PAIP1: variants seen among roughly 807,000 people sequenced by gnomAD.
The protein encoded by PAIP1 is polyadenylate-binding protein-interacting protein 1.
A neutral mutation model predicts 61.3 loss-of-function variants in PAIP1; 16 were observed. That is an observed-to-expected ratio of 0.26 (90% confidence interval 0.18 to 0.40). The LOEUF (loss-of-function observed/expected upper bound fraction) is 0.40, where lower values mean the gene tolerates loss of function less well. PAIP1 is among the 10% of genes least tolerant of loss of function. The pLI is 1.00. For synonymous variants in PAIP1, 187 were observed against 226.2 expected (o/e 0.83, Z 1.56); for missense variants, 416 against 600.9 (o/e 0.69, Z 3.22).
At chr5:43,537,307 T>C (rs1579912229) in intron 5 of PAIP1, among the ~76,000 whole-genome samples, 1 of 152,214 alleles carries the variant, frequency 6.6e-6, no homozygotes, top group Non-Finnish European at 1.5e-5. Flanking sequence ...CAGAGTGGTA[T>C]ATGTATCTTA....
chr5:43,528,638 C>T (rs1315052126), intron 10 of PAIP1, among the ~76,000 whole-genome samples: 1 of 151,790 alleles, frequency 6.6e-6, no homozygotes, highest in Non-Finnish European at 1.5e-5. Context: ...TATAGAAGTA[C>T]AGCAACAATT....
At chr5:43,544,146 TAAAAAAAAAAAAAA>T (rs568177939) in intron 3 of PAIP1, among the ~76,000 whole-genome samples, 2 of 72,686 alleles carry the variant, frequency 2.8e-5, no homozygotes, top group African/African-American at 4.8e-5. Context: ...CCCATCTTTT[TAAAAAAAAAAAAAA>T]AAAAAAAAAA....
chr5:43,552,096 G>A (rs972195941), intron 2 of PAIP1, among the ~76,000 whole-genome samples: 8 of 152,046 alleles, frequency 5.3e-5, no homozygotes, highest in Non-Finnish European at 7.4e-5. Context: ...TTCATGGTAG[G>A]TACTCTATAT....
chr5:43,546,860 C>T (rs866618995), intron 3 of PAIP1, among the ~76,000 whole-genome samples: 8 of 151,772 alleles, frequency 5.3e-5, no homozygotes, highest in Non-Finnish European at 8.8e-5. Flanking sequence ...CCGGTCAACA[C>T]GGTGGAACCC....
At chr5:43,547,970 A>G (rs1747712474) in intron 2 of PAIP1, 57 bp from the exon 3 acceptor site, 1 of 1,085,194 alleles carries the variant, frequency 9.2e-7, no homozygotes, top group South Asian at 1.4e-5. Flanking sequence ...AAAACACACA[A>G]GGTGGTATGT....
chr5:43,540,635 TC>T (rs1747361444), intron 4 of PAIP1, among the ~76,000 whole-genome samples: 2 of 152,274 alleles, frequency 1.3e-5, no homozygotes, highest in African/African-American at 2.4e-5. Flanking sequence ...TCCATCTTTT[TC>T]AAAGTATGTA....
At chr5:43,539,993 G>A (rs1220117544) in intron 4 of PAIP1, among the ~76,000 whole-genome samples, 1 of 152,176 alleles carries the variant, frequency 6.6e-6, no homozygotes, top group Admixed American at 6.5e-5. Context: ...GAAAAGCTAT[G>A]GGTACTGAAT....
At chr5:43,553,526 A>T (rs536121683) in intron 2 of PAIP1, among the ~76,000 whole-genome samples, 47 of 152,194 alleles carry the variant, frequency 3.1e-4, no homozygotes, top group African/African-American at 9.7e-5. Flanking sequence ...GTACTTGACT[A>T]TTTGTTGAAT....
At chr5:43,544,147 A>T (rs6885589) in intron 3 of PAIP1, among the ~76,000 whole-genome samples, 3,298 of 26,612 alleles carry the variant, frequency 0.12, 78 homozygotes, top group East Asian at 0.2. Context: ...CCATCTTTTT[A>T]AAAAAAAAAA....
chr5:43,556,517 A>G, intron 1 of PAIP1, 65 bp downstream of exon 1: 1 of 1,222,686 alleles, frequency 8.2e-7, no homozygotes, highest in Admixed American at 4.2e-5. Context: ...GGGCCTCGGC[A>G]CGCGTGGAGG....
At chr5:43,528,496 A>C (rs1746795424) in intron 10 of PAIP1, among the ~76,000 whole-genome samples, 1 of 152,198 alleles carries the variant, frequency 6.6e-6, no homozygotes, top group South Asian at 2.1e-4. Context: ...AAATAAACTT[A>C]AGAGGATAAC....
In PAIP1 at chr5:43,549,980, T is replaced by A. The variant is rs1579926582; in HGVS notation, c.436-2067A>T. Among the ~76,000 whole-genome samples, 3 of 151,088 alleles carry A rather than the reference T, an allele frequency of 2.0e-5. No individual in the cohort carries two copies. In the East Asian group the frequency reaches 5.8e-4, roughly 29 times the overall value. On this transcript the variant is annotated intron_variant, in intron 2 of 10. Coordinates refer to ENST00000306846, the MANE Select transcript of PAIP1 (RefSeq NM_006451.5). ...CTCAAATGATCCACCCAACTCGGCC[T>A]CCCAAAGCGCTGGGATTACAGGCGA...
intron 9 of PAIP1, among the ~76,000 whole-genome samples, chr5:43,533,118 G>A (rs762947168): frequency 4.3e-4 from 66 of 152,146 alleles, no homozygotes; most frequent in Non-Finnish European, 8.1e-4. Flanking sequence ...TAGAGACACA[G>A]GACAGTCAAT....
intron 2 of PAIP1, 36 bp from the exon 3 acceptor site, chr5:43,547,949 T>C (rs546974491): frequency 1.2e-5 from 17 of 1,395,480 alleles, no homozygotes; most frequent in East Asian, 2.3e-5. Flanking sequence ...TTTTAATCTA[T>C]GCAACTGGCT....
At chr5:43,528,727 AAC>A (rs1746806029) in intron 10 of PAIP1, among the ~76,000 whole-genome samples, 1 of 152,094 alleles carries the variant, frequency 6.6e-6, no homozygotes. Context: ...AAAAATCTAC[AAC>A]ACAGGAGATA....
intron 2 of PAIP1, among the ~76,000 whole-genome samples, chr5:43,551,277 G>A (rs1747857414): frequency 6.6e-6 from 1 of 151,922 alleles, no homozygotes; most frequent in Non-Finnish European, 1.5e-5. Flanking sequence ...CAAAATAAAG[G>A]ACAAAAGCTT....
intron 2 of PAIP1, 60 bp from the exon 3 acceptor site, chr5:43,547,973 T>A (rs191395337): frequency 9.5e-7 from 1 of 1,057,676 alleles, no homozygotes; most frequent in African/African-American, 1.6e-5. Context: ...ACACACAAGG[T>A]GGTATGTCTC....
Position 43,557,075 on chromosome 5 carries a change from TC to T in PAIP1, c.-230del. The T allele has an allele frequency of 1.3e-6, 1 of 774,930 alleles. No homozygotes were observed. Among genetic ancestry groups the T allele is most frequent in the Non-Finnish European group, 1.7e-6 (1 of 572,932 alleles). 48.0% of individuals were successfully genotyped at this position (774,930 alleles called of 1,614,324 possible). A position where few individuals can be genotyped will look rare whatever the true frequency, so the allele number is the denominator to read the frequency against. On this transcript the variant is annotated 5_prime_UTR_variant, in exon 1 of 11. Coordinates refer to ENST00000306846, the MANE Select transcript of PAIP1 (RefSeq NM_006451.5). Reference sequence around the variant, plus strand: ...CGCCCCGCTCGGCTACCCTCGGCTTTCCAGTTCTCCCCCAAAACCCGGCTCC... The same window carrying T: ...CGCCCCGCTCGGCTACCCTCGGCTTTCAGTTCTCCCCCAAAACCCGGCTCC...
At chr5:43,535,276 C>T (rs927955411) in intron 7 of PAIP1, among the ~76,000 whole-genome samples, 1 of 152,092 alleles carries the variant, frequency 6.6e-6, no homozygotes, top group Non-Finnish European at 1.5e-5. Context: ...TTTTGTTTTT[C>T]ATTTAATTCA....
Sources: gnomAD v4.1 joint callset for allele counts (sites outside exome capture counted in the v4.1 genomes callset) on GRCh38, gnomAD v4.1.1 for gene constraint, MANE v1.5 for transcripts, NCBI Gene and HGNC (gene_info 2026-07-23, HGNC 2026-07-21) for gene names.